Variants in HLA-G observed in about 807,000 individuals in gnomAD.
The protein encoded by HLA-G is major histocompatibility complex, class I, G, also known as HLA class I histocompatibility antigen, alpha chain G.
HLA-G carries 34 observed loss-of-function variants against 39.3 expected under a neutral mutation model. That is an observed-to-expected ratio of 0.86 (90% confidence interval 0.66 to 1.15). The LOEUF (loss-of-function observed/expected upper bound fraction) is 1.15. HLA-G is among the 50% of genes most tolerant of loss of function. The pLI is 0.00. For synonymous variants in HLA-G, 183 were observed against 185.8 expected, an observed-to-expected ratio of 0.99 and a Z score of 0.12; for missense variants, 419 against 456.4, an observed-to-expected ratio of 0.92 and a Z score of 0.75.
upstream of HLA-G, chr6:29,827,822 C>T (rs747864137): frequency 9.3e-6 from 15 of 1,608,604 alleles, 1 homozygote; most frequent in African/African-American, 1.9e-4. Flanking sequence ...CCCACCCGGA[C>T]TCATTCTCCC....
rs770430489 is a variant in HLA-G at position 29,828,192 on chromosome 6, G to A, written c.219G>A (p.Ala73=). Residue 73 remains alanine (A), a synonymous_variant, in exon 2 of 7, where the codon GCG becomes GCA. Coordinates refer to ENST00000360323, the MANE Select transcript of HLA-G (RefSeq NM_001384290.1). ...CGTGTCCGAGGATGGAGCCGCGGGC[G>A]CCGTGGGTGGAGCAGGAGGGGCCGG... ...DSACPRMEPR[A]PWVEQEGPEY... is the part of the protein sequence containing the mutation. The A allele has an allele frequency of 1.2e-6, 2 of 1,613,368 alleles. No individual in the cohort carries two copies. The highest frequency in any genetic ancestry group is 1.7e-5 in the Admixed American group (1 of 60,006).
intron 5 of HLA-G, 145 bp downstream of exon 5, chr6:29,830,077 C>CCAG: frequency 1.4e-6 from 1 of 705,728 alleles, no homozygotes; most frequent in Non-Finnish European, 2.5e-6. Context: ...TGTGCCAGCA[C>CCAG]CTTCTCTTTT....
At chr6:29,828,390 A>T (rs1760893279) in intron 2 of HLA-G, 74 bp downstream of exon 2, 1 of 1,558,200 alleles carries the variant, frequency 6.4e-7, no homozygotes, top group African/African-American at 1.4e-5. Context: ...GGTACTCCCG[A>T]GTCTCCGGGT....
rs1177080700 is a variant in HLA-G, at chr6:29,828,806, C to T, written c.607C>T (p.Leu203=). Residue 203 remains leucine, a synonymous_variant, in exon 3 of 7, where the codon CTG becomes TTG. Transcript: ENST00000360323. ...HRYLENGKEM[L]QRADPPKTHV... The stretch of plus-strand genomic sequence containing the variant: ...ATACCTGGAGAACGGGAAGGAGATG[C>T]TGCAGCGCGCGGGTACCAGGGGCAG... The T allele has an allele frequency of 1.9e-6, 3 of 1,613,902 alleles. No homozygotes were observed. In the African/African-American group the frequency reaches 4.0e-5, roughly 22 times the overall value.
rs1299705807 is a variant in HLA-G at position 29,828,458 on chromosome 6, A to C, written c.344-85A>C. 2.6e-5 allele frequency: 11 copies of C among 431,068 alleles called. No homozygotes were observed. The South Asian group carries it at 3.2e-4, about 12-fold the overall frequency. The allele number at this position is 431,068 out of a possible 1,614,324, so 26.7% of individuals were successfully genotyped here. On this transcript the variant is annotated intron_variant, in intron 2 of 6. Transcript: ENST00000360323. ...CAGACCCTCTACCTGGGAGAACCCC[A>C]AGGCGCCTTTACCAAAATCCCCGCG... is the stretch of plus-strand genomic sequence containing the variant.
Position 29,829,825 on chromosome 6 carries a change from C to T in HLA-G, c.905C>T (p.Ser302Phe). ...TCACCTCCTTTCCCAGAGCAGTCTT[C>T]CCTGCCCACCATCCCCATCATGGGT... The part of the protein sequence containing the change: ...EPLMLRWKQS[S>F]LPTIPIMGIV... Residue 302 changes from serine (S) to phenylalanine (F), a missense_variant, in exon 5 of 7, where the codon TCC (serine) becomes TTC (phenylalanine). Around this residue, in one of 2 missense-constraint regions of HLA-G, gnomAD observed 328 missense variants for 323.0 expected, o/e 1.02. Coordinates refer to ENST00000360323, the MANE Select transcript of HLA-G (RefSeq NM_001384290.1). 1 of 1,613,378 alleles carries T rather than the reference C, an allele frequency of 6.2e-7. No homozygotes were observed. Among genetic ancestry groups the T allele is most frequent in the South Asian group, 1.1e-5 (1 of 90,998 alleles).
At chr6:29,829,791 C>T (rs1416894864) in intron 4 of HLA-G, 25 bp from the exon 5 acceptor site, 12 of 1,598,872 alleles carry the variant, frequency 7.5e-6, no homozygotes, top group African/African-American at 1.3e-5. Context: ...GGGTCAGAGA[C>T]CCTCACCTTC....
At chr6:29,829,367 G>A in intron 3 of HLA-G, 51 bp from the exon 4 acceptor site, 1 of 1,579,804 alleles carries the variant, frequency 6.3e-7, no homozygotes, top group South Asian at 1.2e-5. Flanking sequence ...TGCTGCTGGA[G>A]TGTCCCATGA....
At position 29,828,729 on chromosome 6, in the gene HLA-G, C is replaced by A; in HGVS notation, c.530C>A (p.Ala177Asp). 1.2e-6 allele frequency: 2 copies of A among 1,613,884 alleles called. No individual in the cohort carries two copies. Among genetic ancestry groups the A allele is most frequent in the Non-Finnish European group, 1.7e-6 (2 of 1,180,020 alleles). Residue 177 changes from alanine (A) to aspartate (D), a missense_variant, in exon 3 of 7, where the codon GCT becomes GAT. Coordinates refer to ENST00000360323, the MANE Select transcript of HLA-G (RefSeq NM_001384290.1). ...SKRKCEAANV[A>D]EQRRAYLEGT... ...CGCAAGTGTGAGGCGGCCAATGTGG[C>A]TGAACAAAGGAGAGCCTACCTGGAG...
chr6:29,827,431 C>T, upstream of HLA-G: 1 of 352,702 alleles, frequency 2.8e-6, no homozygotes, highest in East Asian at 7.7e-5. Flanking sequence ...GCAGGGAGTC[C>T]AGTTCAGGGA....
upstream of HLA-G, chr6:29,827,393 G>T: frequency 2.8e-6 from 1 of 356,066 alleles, no homozygotes; most frequent in Non-Finnish European, 5.5e-6. Flanking sequence ...TTCTAGAAGA[G>T]TACAGGAGGA....
Position 29,828,128 on chromosome 6 carries a change from TG to T in HLA-G, c.157del (p.Asp53ThrfsTer48). 1 of 1,613,100 alleles carries T rather than the reference TG, an allele frequency of 6.2e-7. No homozygotes were observed. The highest frequency in any genetic ancestry group is 8.5e-7 in the Non-Finnish European group (1 of 1,179,822). On this transcript the variant is annotated frameshift_variant, in exon 2 of 7. Transcript: ENST00000360323. LOFTEE classifies it high-confidence loss of function. ...CCCCGCTTCATCGCCATGGGCTACG[TG>T]GACGACACGCAGTTCGTGCGGTTCG... Reference protein sequence around the residue: ...GEPRFIAMGYVDDTQFVRFDS... With the variant: ...GEPRFIAMGYXDDTQFVRFDS...
intron 5 of HLA-G, 136 bp downstream of exon 5, chr6:29,830,068 G>T: frequency 1.4e-6 from 1 of 718,320 alleles, no homozygotes; most frequent in Non-Finnish European, 2.5e-6. Context: ...TGGGCCCTGT[G>T]TGCCAGCACC....
At position 29,828,544 on chromosome 6, in the gene HLA-G, T is replaced by G. The variant is rs755422730; in HGVS notation, c.345T>G (p.Ser115Arg). Residue 115 changes from serine to arginine, a missense_variant and splice_region_variant, in exon 3 of 7, where the codon AGT becomes AGG. Transcript: ENST00000360323. ...LRGYYNQSEA[S>R]SHTLQWMIGC... ...GGCTGACCGAGGGGGTGGGGCCAGG[T>G]TCTCACACCCTCCAGTGGATGATTG... 3 of 1,612,156 alleles carry G rather than the reference T, an allele frequency of 1.9e-6. No homozygotes were observed. The highest frequency in any genetic ancestry group is 2.7e-5 in the African/African-American group (2 of 74,946).
intron 3 of HLA-G, 143 bp from the exon 4 acceptor site, chr6:29,829,269 GGTGCCC>G (rs1761028390): frequency 1.2e-6 from 1 of 869,064 alleles, no homozygotes; most frequent in African/African-American, 1.7e-5. Flanking sequence ...GATTATCCCA[GGTGCCC>G]GTGTCCAGGC....
At position 29,828,303 on chromosome 6, in the gene HLA-G, C is replaced by T; in HGVS notation, c.330C>T (p.Asn110=). ...TGCAGACCCTGCGCGGCTACTACAACCAGAGCGAGGCCAGTGAGTAACTCC... is the reference window on the plus strand; with the variant it reads ...TGCAGACCCTGCGCGGCTACTACAATCAGAGCGAGGCCAGTGAGTAACTCC... ...MNLQTLRGYY[N]QSEASSHTLQ... Residue 110 remains asparagine, a synonymous_variant, in exon 2 of 7, where the codon AAC becomes AAT. Transcript: ENST00000360323. 6.2e-7 allele frequency: 1 copy of T among 1,612,850 alleles called. No individual in the cohort carries two copies. Among genetic ancestry groups the T allele is most frequent in the Non-Finnish European group, 8.5e-7 (1 of 1,179,442 alleles).
At chr6:29,827,954 G>A (rs750988420) in intron 1 of HLA-G, 37 bp downstream of exon 1, 18 of 1,591,680 alleles carry the variant, frequency 1.1e-5, no homozygotes, top group Non-Finnish European at 1.5e-5. Context: ...GCCCCTGCGC[G>A]GAGGAGGGAG....
intron 2 of HLA-G, 58 bp downstream of exon 2, chr6:29,828,374 G>GC (rs1760890162): frequency 1.3e-6 from 2 of 1,569,850 alleles, no homozygotes; most frequent in African/African-American, 2.7e-5. Flanking sequence ...CCCCACGGAC[G>GC]GCCCGGGTAC....
Position 29,827,883 on chromosome 6 carries a change from C to G in HLA-G, c.39C>G (p.Leu13=). 1 of 1,613,252 alleles carries G rather than the reference C, an allele frequency of 6.2e-7. No individual in the cohort carries two copies. The highest frequency in any genetic ancestry group is 1.1e-5 in the South Asian group (1 of 91,052). The part of the protein sequence containing the change: ...VMAPRTLFLL[L]SGALTLTETW... ...CGCCCCGAACCCTCTTCCTGCTGCT[C>G]TCGGGGGCCCTGACCCTGACCGAGA... is the stretch of plus-strand genomic sequence containing the variant. Residue 13 remains leucine, a synonymous_variant, in exon 1 of 7, where the codon CTC becomes CTG. Coordinates refer to ENST00000360323, the MANE Select transcript of HLA-G (RefSeq NM_001384290.1).
Sources: allele counts gnomAD v4.1 joint callset, GRCh38; gene constraint gnomAD v4.1.1; regional missense constraint gnomAD v4.1.1; transcripts MANE v1.5; gene names NCBI Gene and HGNC (gene_info 2026-07-23, HGNC 2026-07-21).